Variants in GLMN observed in about 807,000 individuals in gnomAD.
The protein encoded by GLMN is glomulin.
In GLMN, 75 loss-of-function variants were observed where a neutral mutation model predicts 87.8. The ratio of observed to expected loss-of-function variants is 0.85; its 90% confidence interval spans 0.71 to 1.04. The LOEUF (loss-of-function observed/expected upper bound fraction) is 1.04. Ranked by LOEUF, GLMN falls within the 50% of genes least tolerant of loss-of-function variation. The pLI, the probability that GLMN is intolerant of heterozygous loss-of-function variation, is 0.00. For synonymous variants in GLMN, 206 were observed against 221.6 expected (o/e 0.93, Z 0.63); for missense variants, 588 against 658.8 (o/e 0.89, Z 1.18).
chr1:92,294,715 G>A (rs1044389264), intron 3 of GLMN, among the ~76,000 whole-genome samples: 4 of 152,074 alleles, frequency 2.6e-5, no homozygotes, highest in African/African-American at 9.7e-5. Context: ...GGGTCTCACT[G>A]TTTCCCAGGC....
At chr1:92,246,846 C>A (rs1652733586) in intron 18 of GLMN, among the ~76,000 whole-genome samples, 200 bp from the exon 19 acceptor site, 1 of 152,090 alleles carries the variant, frequency 6.6e-6, no homozygotes, top group Admixed American at 6.5e-5. Flanking sequence ...GCCTGAGCAA[C>A]ATAGTGAGAC....
intron 1 of GLMN, among the ~76,000 whole-genome samples, chr1:92,298,409 T>C (rs1650418900): frequency 6.6e-6 from 1 of 152,176 alleles, no homozygotes; most frequent in African/African-American, 2.4e-5. Flanking sequence ...ACTTCTTTTC[T>C]GAAAAAAAAT....
At chr1:92,307,087 A>G in the GLMN span, 2 of 815,922 alleles carry the variant, frequency 2.5e-6, no homozygotes, top group East Asian at 2.8e-5. Flanking sequence ...GTAGGTTTCC[A>G]TTTTATTCTT....
At chr1:92,370,488 T>A in the GLMN span, among the ~76,000 whole-genome samples, 1 of 152,112 alleles carries the variant, frequency 6.6e-6, no homozygotes, top group Non-Finnish European at 1.5e-5. Flanking sequence ...AAAAGTTCCA[T>A]GAAGAAGAAA....
chr1:92,246,734 C>T, intron 18 of GLMN, 88 bp from the exon 19 acceptor site: 3 of 779,096 alleles, frequency 3.9e-6, no homozygotes, highest in Non-Finnish European at 7.0e-6. Flanking sequence ...CTGGAGGTAG[C>T]TTAGGAATAT....
chr1:92,288,392 ATAAAG>A (rs1437233451), intron 6 of GLMN, among the ~76,000 whole-genome samples: 1 of 152,162 alleles, frequency 6.6e-6, no homozygotes, highest in Non-Finnish European at 1.5e-5. Flanking sequence ...AAAGAAGAAT[ATAAAG>A]TAAATGAATG....
chr1:92,322,297 C>T, the GLMN span, among the ~76,000 whole-genome samples: 1 of 151,146 alleles, frequency 6.6e-6, no homozygotes, highest in Non-Finnish European at 1.5e-5. Flanking sequence ...GTAATCCCAG[C>T]AGTTTGGGAG....
chr1:92,252,497 G>A (rs1485044483), intron 16 of GLMN, among the ~76,000 whole-genome samples: 1 of 152,162 alleles, frequency 6.6e-6, no homozygotes, highest in African/African-American at 2.4e-5. Context: ...AACCTTAGCT[G>A]TTTTCAATGG....
chr1:92,326,073 G>A, the GLMN span, among the ~76,000 whole-genome samples: 15 of 151,672 alleles, frequency 9.9e-5, no homozygotes, highest in South Asian at 2.1e-4. Flanking sequence ...TATCGTATAT[G>A]CATATATGCA....
At chr1:92,305,684 G>T in the GLMN span, among the ~76,000 whole-genome samples, 2 of 151,774 alleles carry the variant, frequency 1.3e-5, no homozygotes, top group East Asian at 3.9e-4. Flanking sequence ...CAAACTAATA[G>T]AAAAATTTAC....
the GLMN span, among the ~76,000 whole-genome samples, chr1:92,335,409 A>T: frequency 1.3e-5 from 2 of 152,200 alleles, no homozygotes; most frequent in Non-Finnish European, 2.9e-5. Flanking sequence ...ATAAAGTAAC[A>T]CATACTTTAG....
the GLMN span, among the ~76,000 whole-genome samples, chr1:92,333,995 T>C: frequency 1.3e-5 from 2 of 152,214 alleles, no homozygotes; most frequent in Non-Finnish European, 2.9e-5. Context: ...AGCCCAGTCA[T>C]AAATGACATT....
the GLMN span, among the ~76,000 whole-genome samples, chr1:92,344,396 C>A: frequency 6.6e-6 from 1 of 152,116 alleles, no homozygotes; most frequent in African/African-American, 2.4e-5. Context: ...CAGAGCAAGA[C>A]TCTGTCTAAA....
the GLMN span, among the ~76,000 whole-genome samples, chr1:92,358,410 G>A: frequency 6.6e-5 from 10 of 151,870 alleles, no homozygotes; most frequent in East Asian, 3.9e-4. Context: ...TCCTCCTCAC[G>A]AAACTTTCCC....
chr1:92,287,780 G>A (rs1648943439), intron 6 of GLMN, among the ~76,000 whole-genome samples: 1 of 151,846 alleles, frequency 6.6e-6, no homozygotes, highest in Non-Finnish European at 1.5e-5. Flanking sequence ...TTGTACTCCT[G>A]GCCTCAAGTG....
rs777817560 is a variant in GLMN at position 92,288,894 on chromosome 1, GTTC to G, written c.632+17_632+19del. ...CAATTACTTAAGTCCACTGTGAGAT[GTTC>G]TTAAAATTATACTTACAATTTCAGT... On this transcript the variant is annotated intron_variant, in intron 6 of 18. Coordinates refer to ENST00000370360, the MANE Select transcript of GLMN (RefSeq NM_053274.3). The G allele has an allele frequency of 8.4e-7, 1 of 1,192,166 alleles. No individual in the cohort carries two copies. The highest frequency in any genetic ancestry group is 1.7e-5 in the Admixed American group (1 of 59,258). 73.8% of individuals were successfully genotyped at this position (1,192,166 alleles called of 1,614,324 possible).
chr1:92,292,235 C>T (rs924184908), intron 3 of GLMN, among the ~76,000 whole-genome samples: 3 of 69,170 alleles, frequency 4.3e-5, no homozygotes, highest in African/African-American at 2.8e-4. Flanking sequence ...AAGATCACTA[C>T]CCTCCTAGAG....
the GLMN span, chr1:92,345,987 C>T: frequency 2.8e-6 from 3 of 1,069,498 alleles, no homozygotes; most frequent in Non-Finnish European, 1.4e-6. Context: ...ACAAAGTGAT[C>T]CACTGATTTT....
chr1:92,339,743 C>T, the GLMN span, among the ~76,000 whole-genome samples: 2 of 152,204 alleles, frequency 1.3e-5, no homozygotes, highest in African/African-American at 4.8e-5. Context: ...CAGCCGGGCA[C>T]AGTGGCTCAT....
Sources: allele counts gnomAD v4.1 joint callset (sites outside exome capture counted in the v4.1 genomes callset), GRCh38; gene constraint gnomAD v4.1.1; transcripts MANE v1.5; gene names NCBI Gene and HGNC (gene_info 2026-07-23, HGNC 2026-07-21).